Variants in TYW1B observed in about 807,000 individuals in gnomAD.
TYW1B encodes S-adenosyl-L-methionine-dependent tRNA 4-demethylwyosine synthase TYW1B.
TYW1B carries 73 observed loss-of-function variants against 86.9 expected under a neutral mutation model. The observed-to-expected ratio is 0.84, with a 90% CI of 0.70 to 1.02. The LOEUF is 1.02. Ranked by LOEUF, TYW1B falls within the 50% of genes least tolerant of loss-of-function variation. The pLI is 0.00. For missense variants in TYW1B, 637 were observed against 827.4 expected (o/e 0.77, Z 2.82); for synonymous variants, 248 against 292.8 (o/e 0.85, Z 1.56).
chr7:72,689,861 A>G (rs1294566204), intron 11 of TYW1B, among the ~76,000 whole-genome samples: 1 of 152,178 alleles, frequency 6.6e-6, no homozygotes, highest in Non-Finnish European at 1.5e-5. Flanking sequence ...ATATTTTTAT[A>G]ATCTGATATA....
At chr7:72,793,503 T>C (rs1318902972) in intron 6 of TYW1B, among the ~76,000 whole-genome samples, 2 of 152,002 alleles carry the variant, frequency 1.3e-5, no homozygotes, top group Admixed American at 6.6e-5. Flanking sequence ...TCCCAGCACT[T>C]TGGGAGGCCG....
intron 9 of TYW1B, among the ~76,000 whole-genome samples, chr7:72,728,364 TGGAGA>T (rs1787043372): frequency 1.3e-5 from 2 of 152,118 alleles, no homozygotes; most frequent in South Asian, 4.1e-4. Context: ...TGGAGTGGAG[TGGAGA>T]GATCTCGGCT....
chr7:72,824,982 A>AG (rs200946490), intron 2 of TYW1B, among the ~76,000 whole-genome samples: 1,939 of 151,808 alleles, frequency 0.013, 41 homozygotes, highest in African/African-American at 0.045. Context: ...ATGCACCTAT[A>AG]GTCCCAGATA....
chr7:72,662,051 G>A (rs1289827771), intron 11 of TYW1B, among the ~76,000 whole-genome samples: 7 of 152,156 alleles, frequency 4.6e-5, no homozygotes, highest in Non-Finnish European at 7.3e-5. Flanking sequence ...CTGCCTTTAC[G>A]CTAGGAGGAA....
chr7:72,641,200 A>C (rs1330032286), intron 11 of TYW1B, among the ~76,000 whole-genome samples: 4 of 152,076 alleles, frequency 2.6e-5, no homozygotes, highest in Non-Finnish European at 4.4e-5. Context: ...AATTACCAAA[A>C]ATGACTCAAG....
intron 11 of TYW1B, among the ~76,000 whole-genome samples, chr7:72,668,728 A>C (rs549421734): frequency 6.6e-6 from 1 of 152,318 alleles, no homozygotes; most frequent in African/African-American, 2.4e-5. Context: ...GTGGAGGGAA[A>C]GCTTACTTCT....
intron 13 of TYW1B, among the ~76,000 whole-genome samples, chr7:72,586,995 A>G (rs1811292879): frequency 6.6e-6 from 1 of 152,140 alleles, no homozygotes; most frequent in Non-Finnish European, 1.5e-5. Flanking sequence ...AATCATTCAT[A>G]TTATTTTCAT....
chr7:72,790,338 T>A (rs1788199942), intron 6 of TYW1B, among the ~76,000 whole-genome samples: 1 of 152,082 alleles, frequency 6.6e-6, no homozygotes, highest in Non-Finnish European at 1.5e-5. Flanking sequence ...TAGGGCAATG[T>A]GGTATCAGCC....
intron 6 of TYW1B, among the ~76,000 whole-genome samples, chr7:72,788,990 C>T (rs1168759258): frequency 2.0e-5 from 3 of 151,922 alleles, no homozygotes; most frequent in African/African-American, 7.3e-5. Flanking sequence ...GCTACCACGC[C>T]CAGCTAACTT....
chr7:72,627,989 T>C (rs1377445667), intron 12 of TYW1B, among the ~76,000 whole-genome samples: 2 of 152,160 alleles, frequency 1.3e-5, no homozygotes, highest in African/African-American at 4.8e-5. Flanking sequence ...TCTGAATAAC[T>C]GTTTCGAAAG....
intron 7 of TYW1B, among the ~76,000 whole-genome samples, chr7:72,767,887 T>C (rs1787798702): frequency 6.6e-6 from 1 of 152,124 alleles, no homozygotes; most frequent in African/African-American, 2.4e-5. Context: ...GGATAAATCT[T>C]AACCTTTACC....
intron 12 of TYW1B, among the ~76,000 whole-genome samples, chr7:72,618,046 T>A (rs1812119310): frequency 6.6e-6 from 1 of 151,894 alleles, no homozygotes; most frequent in Non-Finnish European, 1.5e-5. Flanking sequence ...CAACAACTTG[T>A]TGAGAAAATC....
At chr7:72,602,942 G>A (rs1811702421) in intron 13 of TYW1B, among the ~76,000 whole-genome samples, 1 of 151,334 alleles carries the variant, frequency 6.6e-6, no homozygotes, top group African/African-American at 2.4e-5. Context: ...AGATCCGAAT[G>A]GCCAAAGCTG....
chr7:72,644,730 A>G (rs1341408371), intron 11 of TYW1B, among the ~76,000 whole-genome samples: 2 of 152,110 alleles, frequency 1.3e-5, no homozygotes, highest in Non-Finnish European at 2.9e-5. Context: ...CCCCACTTTA[A>G]TGACTTTAAA....
intron 11 of TYW1B, among the ~76,000 whole-genome samples, chr7:72,683,640 T>C (rs34943880): frequency 4.6e-5 from 7 of 152,256 alleles, no homozygotes; most frequent in East Asian, 1.9e-4. Flanking sequence ...CTTCCCCATA[T>C]ACCATACCAT....
chr7:72,606,269 A>T (rs1257797110), intron 13 of TYW1B, among the ~76,000 whole-genome samples: 28 of 152,166 alleles, frequency 1.8e-4, no homozygotes, highest in Admixed American at 1.1e-3. Flanking sequence ...AGGAAGACAG[A>T]AAACTTTTAG....
chr7:72,584,666 G>T (rs1288680020), intron 13 of TYW1B, among the ~76,000 whole-genome samples: 12 of 152,062 alleles, frequency 7.9e-5, no homozygotes, highest in Admixed American at 7.2e-4. Flanking sequence ...ACGTTGGCCT[G>T]GCTGGTCTCG....
intron 7 of TYW1B, among the ~76,000 whole-genome samples, chr7:72,766,367 C>T (rs1463338743): frequency 6.7e-6 from 1 of 150,212 alleles, no homozygotes; most frequent in East Asian, 2.0e-4. Flanking sequence ...TATAATCCCA[C>T]CTTTGGGAGG....
intron 8 of TYW1B, among the ~76,000 whole-genome samples, chr7:72,738,040 CT>C (rs1787229216): frequency 6.6e-6 from 1 of 150,976 alleles, no homozygotes; most frequent in African/African-American, 2.4e-5. Flanking sequence ...TCCCAAAGTG[CT>C]GGGATTACAG....
Sources: allele counts gnomAD v4.1 joint callset (sites outside exome capture counted in the v4.1 genomes callset), GRCh38; gene constraint gnomAD v4.1.1; transcripts MANE v1.5; gene names NCBI Gene and HGNC (gene_info 2026-07-23, HGNC 2026-07-21).